The following DIS3L variants were observed in gnomAD, a reference collection of about 807,000 sequenced individuals.
The protein encoded by DIS3L is DIS3 like exosome 3'-5' exoribonuclease, also known as DIS3-like exonuclease 1.
In DIS3L, 100 loss-of-function variants were observed where a neutral mutation model predicts 120.3. The observed-to-expected ratio is 0.83, with a 90% CI of 0.71 to 0.98. The LOEUF is 0.98. DIS3L is among the 50% of genes least tolerant of loss of function. The pLI is 0.00. For synonymous variants in DIS3L, 426 were observed against 470.6 expected (o/e 0.91, Z 1.23); for missense variants, 1,196 against 1,314.2 (o/e 0.91, Z 1.39).
chr15:66,301,552 A>G (rs563232338), intron 2 of DIS3L, among the ~76,000 whole-genome samples: 1 of 152,150 alleles, frequency 6.6e-6, no homozygotes, highest in Non-Finnish European at 1.5e-5. Context: ...AAGTGCTAGG[A>G]TTACAAGCAT....
rs1196677622 is a variant in DIS3L at position 66,320,648 on chromosome 15, A to G, written c.1242A>G (p.Leu414=). 6.2e-7 allele frequency: 1 copy of G among 1,614,160 alleles called. No individual in the cohort carries two copies. Among genetic ancestry groups the G allele is most frequent in the Non-Finnish European group, 8.5e-7 (1 of 1,180,014 alleles). ...VYPNGHFVRV[L]GRIGDLEGEI... is the part of the protein sequence containing the mutation. ...CAAATGGACATTTTGTGCGTGTTTT[A>G]GGAAGAATCGGAGATCTGGAAGGGG... is the stretch of plus-strand genomic sequence containing the variant. Residue 414 remains leucine, a synonymous_variant, in exon 9 of 17, where the codon TTA becomes TTG. Transcript: ENST00000319212.
chr15:66,300,419 A>G (rs8029119), intron 2 of DIS3L, among the ~76,000 whole-genome samples: 15,947 of 152,226 alleles, frequency 0.1, 1,067 homozygotes, highest in Non-Finnish European at 0.15. Flanking sequence ...TGACTGCTTA[A>G]TGGATGGATA....
chr15:66,298,033 G>A (rs767109420), intron 2 of DIS3L, among the ~76,000 whole-genome samples: 9 of 151,974 alleles, frequency 5.9e-5, no homozygotes, highest in Non-Finnish European at 7.4e-5. Flanking sequence ...TACAAAATGC[G>A]CGAGATGACG....
intron 2 of DIS3L, among the ~76,000 whole-genome samples, chr15:66,297,513 A>C (rs2092601039): frequency 3.3e-5 from 5 of 152,222 alleles, no homozygotes; most frequent in Admixed American, 3.3e-4. Context: ...GAAAGGCCAA[A>C]TCAAGCTAAT....
Position 66,295,047 on chromosome 15 carries a change from CA to C in DIS3L, c.201del (p.Asp68IlefsTer11). 1.8e-5 allele frequency: 29 copies of C among 1,614,080 alleles called. No individual in the cohort carries two copies. Among genetic ancestry groups the C allele is most frequent in the Non-Finnish European group, 2.5e-5 (29 of 1,180,014 alleles). ...CGTGATCCCAGACTGGAAAGTTGTT[CA>C]AGATTATCTTGAGATCCTTGAGTTT... ...HYVIPDWKVVQDYLEILEFPE... is the reference protein window; with the variant it reads ...HYVIPDWKVVXDYLEILEFPE... On this transcript the variant is annotated frameshift_variant, in exon 2 of 17. Transcript: ENST00000319212. LOFTEE classifies it high-confidence loss of function.
At chr15:66,299,606 G>C (rs1279566601) in intron 2 of DIS3L, among the ~76,000 whole-genome samples, 1 of 151,866 alleles carries the variant, frequency 6.6e-6, no homozygotes, top group Admixed American at 6.6e-5. Flanking sequence ...AAAAAGAAGG[G>C]AGGAGGCTTT....
chr15:66,314,849 G>A (rs1025927062), intron 6 of DIS3L, 187 bp from the exon 7 acceptor site: 1 of 568,128 alleles, frequency 1.8e-6, no homozygotes, highest in Non-Finnish European at 3.1e-6. Context: ...TCAATATACA[G>A]TATGACATGG....
rs1189616522 is a variant in DIS3L, at chr15:66,328,830, G to C, written c.2202-140G>C. On this transcript the variant is annotated intron_variant, in intron 12 of 16. Transcript: ENST00000319212. Reference sequence around the variant, plus strand: ...CAAACTAGATTTCTGTAGTTGAAAAGAGGTGCTTCTGAAACGTGTCCAAAA... The same window carrying C: ...CAAACTAGATTTCTGTAGTTGAAAACAGGTGCTTCTGAAACGTGTCCAAAA... The C allele has an allele frequency of 7.3e-6, 7 of 958,694 alleles. No homozygotes were observed. The African/African-American group carries it at 8.2e-5, about 11-fold the overall frequency. The allele number at this position is 958,694 out of a possible 1,614,324, so 59.4% of individuals were successfully genotyped here. A position where few individuals can be genotyped will look rare whatever the true frequency, so the allele number is the denominator to read the frequency against.
intron 12 of DIS3L, among the ~76,000 whole-genome samples, chr15:66,327,863 C>T (rs1022778052): frequency 6.6e-6 from 1 of 152,110 alleles, no homozygotes; most frequent in Non-Finnish European, 1.5e-5. Context: ...GAGTTCAAGA[C>T]CAGCCTTGCC....
chr15:66,333,728 C>CAAAAAAAAA lies in DIS3L; in HGVS notation c.*433_*441dup, dbSNP rs35793974. 2 of 80,816 alleles carry CAAAAAAAAA rather than the reference C, an allele frequency of 2.5e-5. No individual in the cohort carries two copies. The highest frequency in any genetic ancestry group is 4.9e-5 in the Non-Finnish European group (2 of 41,110). The allele number at this position is 80,816 out of a possible 1,614,324, so 5.0% of individuals were successfully genotyped here. On this transcript the variant is annotated 3_prime_UTR_variant, in exon 17 of 17. Transcript: ENST00000319212. The stretch of plus-strand genomic sequence containing the variant: ...TGGGCAACAGAGCGAGACTCCATCT[C>CAAAAAAAAA]AAAAAAAAAAAAAAAAAAAAAAAAA...
In DIS3L at chr15:66,318,469, C is replaced by T; in HGVS notation, c.1015C>T (p.Gln339Ter). 3.7e-6 allele frequency: 6 copies of T among 1,613,908 alleles called. No homozygotes were observed. Among genetic ancestry groups the T allele is most frequent in the Non-Finnish European group, 4.2e-6 (5 of 1,179,934 alleles). The change falls in exon 8 of 17, where the codon CAG becomes TAG. Residue 339 changes from glutamine to a stop codon, truncating the protein, a stop_gained. Coordinates refer to ENST00000319212, the MANE Select transcript of DIS3L (RefSeq NM_001143688.3). LOFTEE classifies it high-confidence loss of function. ...CAAAGGTCGAGTGGTGGGCATACTT[C>T]AGAAGAACTGGCGGGATTATGTGGT... ...MPTGRVVGILQKNWRDYVVTF... is the reference protein window; with the variant it reads ...MPTGRVVGIL
chr15:66,308,837 C>T lies in DIS3L; in HGVS notation c.551C>T (p.Thr184Ile), dbSNP rs1181144450. 3 of 1,612,454 alleles carry T rather than the reference C, an allele frequency of 1.9e-6. No homozygotes were observed. Among genetic ancestry groups the T allele is most frequent in the Non-Finnish European group, 2.5e-6 (3 of 1,179,164 alleles). Reference sequence around the variant, plus strand: ...GAAACAGAAGGAGTATTCGTGATTACTTTCAAGGTATTTCCAGATATTGTA... The same window carrying T: ...GAAACAGAAGGAGTATTCGTGATTATTTTCAAGGTATTTCCAGATATTGTA... ...GSETEGVFVITFKNYLDNFWP... is the reference protein window; with the variant it reads ...GSETEGVFVIIFKNYLDNFWP... Residue 184 changes from threonine to isoleucine, a missense_variant, in exon 4 of 17, where the codon ACT becomes ATT. Transcript: ENST00000319212.
intron 2 of DIS3L, among the ~76,000 whole-genome samples, chr15:66,298,179 CAAAAAAA>C (rs11419116): frequency 6.5e-5 from 3 of 45,978 alleles, no homozygotes; most frequent in Admixed American, 3.5e-4. Context: ...GACTCCGTCT[CAAAAAAA>C]AAAAAAAAAA....
chr15:66,301,049 G>A (rs2092642283), intron 2 of DIS3L, among the ~76,000 whole-genome samples: 1 of 152,088 alleles, frequency 6.6e-6, no homozygotes, highest in Admixed American at 6.6e-5. Flanking sequence ...ACTGGTGTGG[G>A]ACTCCCACTT....
Position 66,308,863 on chromosome 15 carries a change from T to G in DIS3L, c.558+19T>G. The G allele has an allele frequency of 6.2e-7, 1 of 1,604,012 alleles. No individual in the cohort carries two copies. Among genetic ancestry groups the G allele is most frequent in the Non-Finnish European group, 8.5e-7 (1 of 1,173,328 alleles). On this transcript the variant is annotated intron_variant, in intron 4 of 16. Transcript: ENST00000319212. ...TTTCAAGGTATTTCCAGATATTGTA[T>G]ATGTATGAGTGCTCATTTTCTAAGT...
chr15:66,330,354 C>T, intron 14 of DIS3L: 1 of 985,148 alleles, frequency 1.0e-6, no homozygotes, highest in Non-Finnish European at 1.2e-6. Flanking sequence ...TGTAACCCAA[C>T]TGTTATTGAT....
intron 2 of DIS3L, among the ~76,000 whole-genome samples, chr15:66,298,520 CAA>C (rs1208116356): frequency 1.3e-5 from 2 of 152,244 alleles, no homozygotes; most frequent in African/African-American, 4.8e-5. Context: ...TTTGCTGAAA[CAA>C]AATCACCAGA....
At chr15:66,315,308 T>C in intron 7 of DIS3L, 93 bp downstream of exon 7, 2 of 1,186,410 alleles carry the variant, frequency 1.7e-6, no homozygotes, top group Non-Finnish European at 1.1e-6. Flanking sequence ...GCCCTTATTT[T>C]ATTTATTTAT....
chr15:66,311,865 T>C lies in DIS3L; in HGVS notation c.700T>C (p.Leu234=). Residue 234 remains leucine, a synonymous_variant, in exon 5 of 17, where the codon TTA becomes CTA. Coordinates refer to ENST00000319212, the MANE Select transcript of DIS3L (RefSeq NM_001143688.3). ...CCCAGAACATCTTCCCCTGGAAGTG[T>C]TAGAAGCTGGGATTAAATCTGGACG... The part of the protein sequence containing the change: ...EYPEHLPLEV[L]EAGIKSGRYI... 6.2e-7 allele frequency: 1 copy of C among 1,613,950 alleles called. No individual in the cohort carries two copies. Among genetic ancestry groups the C allele is most frequent in the Non-Finnish European group, 8.5e-7 (1 of 1,179,970 alleles).
Sources: gnomAD v4.1 joint callset for allele counts (sites outside exome capture counted in the v4.1 genomes callset) on GRCh38, gnomAD v4.1.1 for gene constraint, MANE v1.5 for transcripts, NCBI Gene and HGNC (gene_info 2026-07-23, HGNC 2026-07-21) for gene names.